ABCA13: variants seen among roughly 807,000 people sequenced by gnomAD.
The protein encoded by ABCA13 is ATP-binding cassette sub-family A member 13.
In ABCA13, 476 loss-of-function variants were observed where a neutral mutation model predicts 478.7. The observed-to-expected ratio is 0.99, with a 90% CI of 0.92 to 1.07. ABCA13 has a LOEUF of 1.07. Ranked by LOEUF, ABCA13 falls within the 50% of genes least tolerant of loss-of-function variation. The pLI is 0.00. For missense variants in ABCA13, 6,060 were observed against 5,910.6 expected, an observed-to-expected ratio of 1.03 and a Z score of -0.83; for synonymous variants, 2,252 against 2,158.9, an observed-to-expected ratio of 1.04 and a Z score of -1.20.
intron 47 of ABCA13, 69 bp downstream of exon 47, chr7:48,483,232 T>C: frequency 7.2e-7 from 1 of 1,398,224 alleles, no homozygotes; most frequent in South Asian, 1.3e-5. Flanking sequence ...TCAAATATAA[T>C]TTTGAGCACA....
At chr7:48,504,544 T>C (rs1831037937) in intron 48 of ABCA13, among the ~76,000 whole-genome samples, 1 of 152,150 alleles carries the variant, frequency 6.6e-6, no homozygotes, top group South Asian at 2.1e-4. Context: ...CCCCAGGGTG[T>C]GTGTGTGTAT....
At chr7:48,505,388 A>T (rs1291206453) in intron 48 of ABCA13, among the ~76,000 whole-genome samples, 1 of 152,196 alleles carries the variant, frequency 6.6e-6, no homozygotes, top group African/African-American at 2.4e-5. Flanking sequence ...TAAGGATTTA[A>T]TGTGCTCTCA....
chr7:48,587,410 G>T, intron 57 of ABCA13, 122 bp downstream of exon 57: 1 of 1,159,000 alleles, frequency 8.6e-7, no homozygotes, highest in Non-Finnish European at 1.2e-6. Flanking sequence ...CTACAAACTA[G>T]TAAACTGTTT....
chr7:48,404,701 A>C (rs893981337), intron 39 of ABCA13: 5 of 152,336 alleles, frequency 3.3e-5, no homozygotes, highest in African/African-American at 1.2e-4. Context: ...TTTTCTTAGC[A>C]TATAGAGGGC....
At chr7:48,208,342 A>T (rs983360157) in intron 3 of ABCA13, among the ~76,000 whole-genome samples, 7 of 152,102 alleles carry the variant, frequency 4.6e-5, no homozygotes, top group African/African-American at 1.7e-4. Context: ...TCTATGAAGA[A>T]CATCTTTGGT....
intron 57 of ABCA13, among the ~76,000 whole-genome samples, chr7:48,590,851 C>T (rs528333680): frequency 2.6e-5 from 4 of 151,866 alleles, no homozygotes; most frequent in African/African-American, 9.7e-5. Flanking sequence ...TTTAGTTTTA[C>T]GACTTTCATA....
intron 32 of ABCA13, among the ~76,000 whole-genome samples, chr7:48,368,654 T>G (rs1234636613): frequency 3.4e-5 from 5 of 148,004 alleles, no homozygotes; most frequent in Non-Finnish European, 6.0e-5. Flanking sequence ...TTTTTATGGA[T>G]GAGTATATCC....
At chr7:48,429,797 C>G (rs574733552) in intron 42 of ABCA13, among the ~76,000 whole-genome samples, 21 of 152,250 alleles carry the variant, frequency 1.4e-4, no homozygotes, top group African/African-American at 5.1e-4. Flanking sequence ...CAAATGCTTT[C>G]TCTGCATCTA....
intron 42 of ABCA13, among the ~76,000 whole-genome samples, chr7:48,444,479 T>C (rs2129172053): frequency 6.6e-6 from 1 of 152,286 alleles, no homozygotes; most frequent in Middle Eastern, 3.4e-3. Context: ...AGCATCCTCT[T>C]TTTGGGCAAA....
chr7:48,568,491 C>A (rs920538527), intron 55 of ABCA13, among the ~76,000 whole-genome samples: 3 of 151,952 alleles, frequency 2.0e-5, no homozygotes, highest in Non-Finnish European at 4.4e-5. Flanking sequence ...GTGCCTACTT[C>A]TCTTTATATG....
chr7:48,473,549 A>G (rs1019707099), intron 45 of ABCA13, among the ~76,000 whole-genome samples: 2 of 152,064 alleles, frequency 1.3e-5, no homozygotes, highest in Admixed American at 1.3e-4. Context: ...TCTCTCTCAT[A>G]ATTTATTAAA....
At chr7:48,483,055 C>T (rs758775805) in intron 46 of ABCA13, 21 bp from the exon 47 acceptor site, 3 of 1,596,826 alleles carry the variant, frequency 1.9e-6, no homozygotes, top group Non-Finnish European at 2.6e-6. Context: ...GAAGCACTAA[C>T]ACAATGTTCA....
chr7:48,192,867 G>A, intron 1 of ABCA13, 92 bp from the exon 2 acceptor site: 2 of 954,446 alleles, frequency 2.1e-6, no homozygotes, highest in East Asian at 2.6e-5. Flanking sequence ...GAGACACACA[G>A]CAGGGATTAA....
At chr7:48,399,663 A>G (rs1182327950) in intron 38 of ABCA13, among the ~76,000 whole-genome samples, 1 of 152,186 alleles carries the variant, frequency 6.6e-6, no homozygotes, top group East Asian at 1.9e-4. Flanking sequence ...CTCTAAGAAT[A>G]ATGATAAGAG....
At position 48,198,380 on chromosome 7, in the gene ABCA13, CT is replaced by C; in HGVS notation, c.287+25del. 6.2e-7 allele frequency: 1 copy of C among 1,611,968 alleles called. No homozygotes were observed. Among genetic ancestry groups the C allele is most frequent in the East Asian group, 2.2e-5 (1 of 44,832 alleles). ...TTTTCGGTAAGAGAAACACAAAGAT[CT>C]TTTTCAGAAATCTCAGAAAGCTGAT... On this transcript the variant is annotated intron_variant, in intron 3 of 61. Coordinates refer to ENST00000435803, the MANE Select transcript of ABCA13 (RefSeq NM_152701.5).
chr7:48,401,700 A>G (rs2129071497), intron 38 of ABCA13, among the ~76,000 whole-genome samples: 1 of 148,260 alleles, frequency 6.7e-6, no homozygotes, highest in East Asian at 2.0e-4. Flanking sequence ...CACTTCCTCC[A>G]CCCTATCATT....
intron 13 of ABCA13, among the ~76,000 whole-genome samples, chr7:48,246,755 A>G (rs889656582): frequency 6.6e-6 from 1 of 152,208 alleles, no homozygotes; most frequent in South Asian, 2.1e-4. Context: ...TACTCTGTGC[A>G]TGACAGTATG....
intron 57 of ABCA13, among the ~76,000 whole-genome samples, chr7:48,590,185 T>C (rs1295883747): frequency 1.3e-5 from 2 of 152,104 alleles, no homozygotes; most frequent in Non-Finnish European, 2.9e-5. Context: ...TTATTTCACT[T>C]TATGCTTGGC....
At chr7:48,633,978 AGAT>A (rs1369586383) in intron 59 of ABCA13, among the ~76,000 whole-genome samples, 1 of 143,804 alleles carries the variant, frequency 7.0e-6, no homozygotes, top group East Asian at 2.0e-4. Flanking sequence ...ATAGATAGAT[AGAT>A]GACAGAGAGA....
Sources: allele counts gnomAD v4.1 joint callset (sites outside exome capture counted in the v4.1 genomes callset), GRCh38; gene constraint gnomAD v4.1.1; transcripts MANE v1.5; gene names NCBI Gene and HGNC (gene_info 2026-07-23, HGNC 2026-07-21).